Variants in PNLIPRP1 observed in about 807,000 individuals in gnomAD.
The protein encoded by PNLIPRP1 is pancreatic lipase related protein 1.
Under a neutral mutation model 54.6 loss-of-function variants are expected in PNLIPRP1, and 57 were observed. The observed-to-expected ratio is 1.04, with a 90% CI of 0.84 to 1.30. The LOEUF (loss-of-function observed/expected upper bound fraction) is 1.30. Ranked by LOEUF, PNLIPRP1 falls within the 50% of genes most tolerant of loss-of-function variation. PNLIPRP1 has a pLI of 0.00. For synonymous variants in PNLIPRP1, 232 were observed against 208.8 expected (o/e 1.11, Z -0.96); for missense variants, 567 against 568.5 (o/e 1.00, Z 0.03).
intron 12 of PNLIPRP1, among the ~76,000 whole-genome samples, chr10:116,606,286 AGAATG>A (rs1162667933): frequency 6.6e-6 from 1 of 152,134 alleles, no homozygotes; most frequent in Non-Finnish European, 1.5e-5. Flanking sequence ...GTGGCAGAGT[AGAATG>A]GGGGCTGACT....
chr10:116,609,125 G>T lies in PNLIPRP1; in HGVS notation c.*9G>T. On this transcript the variant is annotated 3_prime_UTR_variant, in exon 13 of 13. Coordinates refer to ENST00000358834, the MANE Select transcript of PNLIPRP1 (RefSeq NM_006229.4). ...CCCTCACGCCCTGCTAAGCTCCCGG[G>T]GCGACGAGGCTGCTGCGTTCACACT... The T allele has an allele frequency of 6.2e-7, 1 of 1,601,438 alleles. No homozygotes were observed.
At chr10:116,604,202 T>A in intron 11 of PNLIPRP1, 64 bp downstream of exon 11, 5 of 835,368 alleles carry the variant, frequency 6.0e-6, no homozygotes, top group Middle Eastern at 4.5e-4. Context: ...ACCACACACT[T>A]AATTTGAACA....
At position 116,591,163 on chromosome 10, in the gene PNLIPRP1, C is replaced by A. The variant is rs1554863076; in HGVS notation, c.34C>A (p.Leu12Met). ...CTTCTGGACAATCACACTTTTCCTG[C>A]TGGGAGCAGCCAAAGGTAAGAAACA... ...LIFWTITLFL[L>M]GAAKGKEVCY... The change falls in exon 2 of 13, where the codon CTG becomes ATG. Residue 12 changes from leucine to methionine, a missense_variant. Leu to Met is a conservative substitution (Grantham distance 15). Coordinates refer to ENST00000358834, the MANE Select transcript of PNLIPRP1 (RefSeq NM_006229.4). 1 of 1,613,388 alleles carries A rather than the reference C, an allele frequency of 6.2e-7. No homozygotes were observed. Among genetic ancestry groups the A allele is most frequent in the Middle Eastern group, 1.7e-4 (1 of 6,056 alleles).
At chr10:116,596,157 G>T in intron 5 of PNLIPRP1, 57 bp from the exon 6 acceptor site, 1 of 1,161,736 alleles carries the variant, frequency 8.6e-7, no homozygotes, top group South Asian at 1.3e-5. Flanking sequence ...CATTAGGCTG[G>T]CATTTTAGAA....
intron 4 of PNLIPRP1, 22 bp downstream of exon 4, chr10:116,592,563 T>G (rs550185194): frequency 1.1e-5 from 18 of 1,613,986 alleles, no homozygotes; most frequent in Middle Eastern, 3.3e-4. Context: ...CTCTGATCCC[T>G]GTGGCCAGCT....
chr10:116,603,631 G>A (rs1231770546), intron 10 of PNLIPRP1, among the ~76,000 whole-genome samples: 1 of 152,142 alleles, frequency 6.6e-6, no homozygotes, highest in East Asian at 1.9e-4. Flanking sequence ...GGTGGCTCAC[G>A]CCTGTATTCC....
Position 116,601,129 on chromosome 10 carries a change from A to T in PNLIPRP1, c.991A>T (p.Lys331Ter). Reference protein sequence around the residue: ...GCPQMGHYADKFAGRTSEEQQ... With the variant: ...GCPQMGHYAD The stretch of plus-strand genomic sequence containing the variant: ...CCCACAGATGGGTCACTATGCTGAT[A>T]AATTTGCTGGCAGGACAAGTGAAGA... Residue 331 changes from lysine to a stop codon, truncating the protein, a stop_gained, in exon 10 of 13, where the codon AAA (lysine) becomes TAA (stop). Coordinates refer to ENST00000358834, the MANE Select transcript of PNLIPRP1 (RefSeq NM_006229.4). LOFTEE classifies it high-confidence loss of function. 4.3e-6 allele frequency: 7 copies of T among 1,614,076 alleles called. No homozygotes were observed. The highest frequency in any genetic ancestry group is 5.9e-6 in the Non-Finnish European group (7 of 1,179,974).
intron 11 of PNLIPRP1, 52 bp from the exon 12 acceptor site, chr10:116,605,334 T>TA (rs1847918823): frequency 9.6e-7 from 1 of 1,042,920 alleles, no homozygotes; most frequent in Non-Finnish European, 1.4e-6. Context: ...CATTGTATGG[T>TA]AATTAGAACT....
Position 116,600,052 on chromosome 10 carries a change from C to A in PNLIPRP1, c.820C>A (p.Arg274=). The change falls in exon 9 of 13, where the codon CGG becomes AGG. Residue 274 remains arginine, a synonymous_variant. Coordinates refer to ENST00000358834, the MANE Select transcript of PNLIPRP1 (RefSeq NM_006229.4). ...VDLDGIWAGT[R]DFVACNHLRS... ...CTCCTTATTTGTTTTCCCAGGAACC[C>A]GGGACTTTGTGGCTTGCAATCACCT... 1 of 1,611,066 alleles carries A rather than the reference C, an allele frequency of 6.2e-7. No homozygotes were observed. Among genetic ancestry groups the A allele is most frequent in the Non-Finnish European group, 8.5e-7 (1 of 1,177,268 alleles).
intron 12 of PNLIPRP1, among the ~76,000 whole-genome samples, chr10:116,607,386 G>A (rs1162497390): frequency 6.6e-6 from 1 of 152,134 alleles, no homozygotes; most frequent in Non-Finnish European, 1.5e-5. Context: ...TGGTTCACAG[G>A]GAAGGTCAAA....
In PNLIPRP1 at chr10:116,600,097, T is replaced by C. The variant is rs782213653; in HGVS notation, c.865T>C (p.Leu289=). ...TCACCTAAGAAGCTACAAGTATTAC[T>C]TGGAAAGCATCCTCAATCCCGATGG... The part of the protein sequence containing the change: ...CNHLRSYKYY[L]ESILNPDGFA... The change falls in exon 9 of 13, where the codon TTG becomes CTG. Residue 289 remains leucine, a synonymous_variant. Transcript: ENST00000358834. 6.2e-6 allele frequency: 10 copies of C among 1,614,096 alleles called. No homozygotes were observed. Among genetic ancestry groups the C allele is most frequent in the South Asian group, 3.3e-5 (3 of 91,080 alleles).
chr10:116,602,663 C>A (rs1267532563), intron 10 of PNLIPRP1, among the ~76,000 whole-genome samples: 1 of 152,078 alleles, frequency 6.6e-6, no homozygotes, highest in South Asian at 2.1e-4. Context: ...TCTGAAGACA[C>A]GAAAGATGAA....
rs113049971 is a variant in PNLIPRP1 at position 116,607,791 on chromosome 10, T to C, written c.1341-1262T>C. 1.1e-3 allele frequency among the ~76,000 whole-genome samples: 160 copies of C among 152,340 alleles called. 1 individual carries two copies. The highest frequency in any genetic ancestry group is 3.5e-3 in the African/African-American group (144 of 41,578). On this transcript the variant is annotated intron_variant, in intron 12 of 12. Transcript: ENST00000358834. Reference sequence around the variant, plus strand: ...TGCTTACATCTGCATTGTTTTTTGTTAATTGTAAGACTTTTTACATTTACC... The same window carrying C: ...TGCTTACATCTGCATTGTTTTTTGTCAATTGTAAGACTTTTTACATTTACC...
intron 4 of PNLIPRP1, 151 bp from the exon 5 acceptor site, chr10:116,594,579 C>A: frequency 1.2e-6 from 1 of 808,892 alleles, no homozygotes; most frequent in Non-Finnish European, 2.0e-6. Flanking sequence ...TGAAGGATAA[C>A]TCCTAATTAC....
chr10:116,607,405 T>A (rs1847953163), intron 12 of PNLIPRP1, among the ~76,000 whole-genome samples: 1 of 151,734 alleles, frequency 6.6e-6, no homozygotes, highest in African/African-American at 2.4e-5. Context: ...AAAGACCAAA[T>A]AAAGAACTCC....
chr10:116,594,979 C>A, intron 5 of PNLIPRP1, 115 bp downstream of exon 5: 1 of 1,281,784 alleles, frequency 7.8e-7, no homozygotes, highest in South Asian at 1.5e-5. Flanking sequence ...GATATCCAGA[C>A]CTTACTTCTA....
chr10:116,607,826 T>G (rs1045159546), intron 12 of PNLIPRP1, among the ~76,000 whole-genome samples: 3 of 152,206 alleles, frequency 2.0e-5, no homozygotes, highest in Non-Finnish European at 4.4e-5. Flanking sequence ...CATCATGGGA[T>G]GTTACGTTCT....
At chr10:116,591,997 C>T (rs929985284) in intron 3 of PNLIPRP1, 72 bp downstream of exon 3, 1 of 1,511,074 alleles carries the variant, frequency 6.6e-7, no homozygotes, top group African/African-American at 1.4e-5. Context: ...CCATGAATAC[C>T]TTATCTCTGT....
rs965420249 is a variant in PNLIPRP1 at position 116,592,500 on chromosome 10, A to G, written c.289A>G (p.Ile97Val). 46 of 1,614,066 alleles carry G rather than the reference A, an allele frequency of 2.8e-5. No individual in the cohort carries two copies. Among genetic ancestry groups the G allele is most frequent in the Non-Finnish European group, 3.7e-5 (44 of 1,180,018 alleles). ...RKTRFIIHGF[I>V]DKGDESWVTD... The stretch of plus-strand genomic sequence containing the variant: ...GACCCGGTTCATCATCCATGGCTTC[A>G]TAGACAAAGGAGATGAGAGCTGGGT... Residue 97 changes from isoleucine (I) to valine (V), a missense_variant, in exon 4 of 13, where the codon ATA becomes GTA. Ile to Val is a conservative substitution (Grantham distance 29, BLOSUM62 3). Coordinates refer to ENST00000358834, the MANE Select transcript of PNLIPRP1 (RefSeq NM_006229.4).
Sources: gnomAD v4.1 joint callset for allele counts (sites outside exome capture counted in the v4.1 genomes callset) on GRCh38, gnomAD v4.1.1 for gene constraint, MANE v1.5 for transcripts, NCBI Gene and HGNC (gene_info 2026-07-23, HGNC 2026-07-21) for gene names.